Variants in DAB1 observed in about 807,000 individuals in gnomAD.
The protein encoded by DAB1 is DAB adaptor protein 1, also known as disabled homolog 1.
Under a neutral mutation model 64.6 loss-of-function variants are expected in DAB1, and 15 were observed. The ratio of observed to expected loss-of-function variants is 0.23; its 90% CI spans 0.16 to 0.36. DAB1 has a LOEUF of 0.36. Ranked by LOEUF, DAB1 falls within the 10% of genes least tolerant of loss-of-function variation. The pLI is 1.00. For synonymous variants in DAB1, 235 were observed against 251.9 expected (o/e 0.93, Z 0.64); for missense variants, 596 against 706.7 (o/e 0.84, Z 1.78).
intron 7 of DAB1, among the ~76,000 whole-genome samples, chr1:57,545,519 T>C (rs939741442): frequency 6.6e-6 from 1 of 152,172 alleles, no homozygotes; most frequent in African/African-American, 2.4e-5. Flanking sequence ...GAACAGTTGG[T>C]CAACCTATTG....
At chr1:57,768,211 A>C (rs951569760) in intron 6 of DAB1, among the ~76,000 whole-genome samples, 2 of 149,648 alleles carry the variant, frequency 1.3e-5, no homozygotes, top group Non-Finnish European at 3.0e-5. Context: ...GAGGTGCTAC[A>C]TCCATGCTCC....
At chr1:58,151,829 T>C (rs149233787) in intron 4 of DAB1, among the ~76,000 whole-genome samples, 36 of 152,340 alleles carry the variant, frequency 2.4e-4, no homozygotes, top group African/African-American at 7.7e-4. Flanking sequence ...CATTTTGATA[T>C]AGCTGGATAA....
At chr1:57,931,756 G>A (rs956435500) in intron 5 of DAB1, among the ~76,000 whole-genome samples, 6 of 152,096 alleles carry the variant, frequency 3.9e-5, no homozygotes, top group African/African-American at 1.4e-4. Flanking sequence ...CAGTTAGCCT[G>A]GTTACAGGCT....
chr1:57,164,179 T>G (rs551740779), intron 2 of DAB1, among the ~76,000 whole-genome samples: 1 of 152,268 alleles, frequency 6.6e-6, no homozygotes, highest in Admixed American at 6.5e-5. Flanking sequence ...TGAGTTCCTT[T>G]CCTTTCAGTT....
chr1:57,462,243 C>T (rs897325512), intron 7 of DAB1, among the ~76,000 whole-genome samples: 10 of 152,162 alleles, frequency 6.6e-5, no homozygotes, highest in East Asian at 1.9e-4. Flanking sequence ...GCCACTGCAC[C>T]GGCCAGATAT....
chr1:57,018,874 C>A (rs1261242034), intron 11 of DAB1, among the ~76,000 whole-genome samples: 1 of 152,222 alleles, frequency 6.6e-6, no homozygotes, highest in African/African-American at 2.4e-5. Context: ...TGCCCTCCAG[C>A]ATTTGCAAAC....
At chr1:58,341,364 G>A (rs1410193543) in intron 4 of DAB1, among the ~76,000 whole-genome samples, 1 of 152,082 alleles carries the variant, frequency 6.6e-6, no homozygotes, top group African/African-American at 2.4e-5. Flanking sequence ...CTACTTAGAA[G>A]CAAAACTTGG....
At chr1:58,198,587 C>T (rs1657821399) in intron 4 of DAB1, among the ~76,000 whole-genome samples, 1 of 152,196 alleles carries the variant, frequency 6.6e-6, no homozygotes, top group Non-Finnish European at 1.5e-5. Context: ...CGTAACCAAC[C>T]TCTTCTATAT....
chr1:58,469,868 G>T (rs189259709), intron 3 of DAB1, among the ~76,000 whole-genome samples: 17 of 152,232 alleles, frequency 1.1e-4, no homozygotes, highest in African/African-American at 4.1e-4. Context: ...AGGACTTAGA[G>T]AATTTTTAAA....
At chr1:58,455,470 G>A (rs567104833) in intron 3 of DAB1, among the ~76,000 whole-genome samples, 1 of 152,364 alleles carries the variant, frequency 6.6e-6, no homozygotes, top group African/African-American at 2.4e-5. Context: ...CTGGCCATTG[G>A]AACTTGGCAG....
At chr1:57,912,675 A>C (rs1644664032) in intron 5 of DAB1, among the ~76,000 whole-genome samples, 1 of 152,206 alleles carries the variant, frequency 6.6e-6, no homozygotes. Context: ...AGATGACATG[A>C]TTGTATATCT....
At chr1:58,466,066 C>T (rs1557428416) in intron 3 of DAB1, among the ~76,000 whole-genome samples, 1 of 152,118 alleles carries the variant, frequency 6.6e-6, no homozygotes, top group South Asian at 2.1e-4. Flanking sequence ...GACTGCCCAG[C>T]GGTCCCCACA....
intron 3 of DAB1, among the ~76,000 whole-genome samples, chr1:58,434,192 CTGTGT>C (rs1432809270): frequency 3.3e-5 from 5 of 152,134 alleles, no homozygotes; most frequent in Non-Finnish European, 2.9e-5. Flanking sequence ...ACTCTTACTA[CTGTGT>C]TGAGAACAGA....
At chr1:58,467,839 G>A (rs565264278) in intron 3 of DAB1, 1 of 152,388 alleles carries the variant, frequency 6.6e-6, no homozygotes, top group East Asian at 1.9e-4. Flanking sequence ...TACAAAACCT[G>A]TTTGCATTTT....
intron 4 of DAB1, among the ~76,000 whole-genome samples, chr1:58,288,112 A>G (rs777683570): frequency 1.3e-5 from 2 of 151,944 alleles, no homozygotes; most frequent in Non-Finnish European, 2.9e-5. Flanking sequence ...GAGTCTTTTA[A>G]TCATCTCTGA....
chr1:57,303,841 A>C (rs1163808426), intron 1 of DAB1, among the ~76,000 whole-genome samples: 1 of 152,084 alleles, frequency 6.6e-6, no homozygotes, highest in Non-Finnish European at 1.5e-5. Context: ...AGTCATACCC[A>C]GTGTTCACGA....
At chr1:57,656,400 A>G (rs1646319375) in intron 6 of DAB1, among the ~76,000 whole-genome samples, 1 of 152,212 alleles carries the variant, frequency 6.6e-6, no homozygotes, top group Admixed American at 6.5e-5. Flanking sequence ...CACATATACT[A>G]AAAGAGTAAT....
intron 2 of DAB1, among the ~76,000 whole-genome samples, chr1:57,229,212 T>C (rs1326601736): frequency 6.7e-6 from 1 of 149,606 alleles, no homozygotes; most frequent in Non-Finnish European, 1.5e-5. Flanking sequence ...TTTTTTTTTT[T>C]AAACAGGCTC....
At chr1:57,975,675 A>G (rs1185276888) in intron 5 of DAB1, among the ~76,000 whole-genome samples, 4 of 152,196 alleles carry the variant, frequency 2.6e-5, no homozygotes, top group African/African-American at 9.7e-5. Context: ...CTGAGAACAA[A>G]GGCCCAGACT....
Sources: gnomAD v4.1 joint callset for allele counts (sites outside exome capture counted in the v4.1 genomes callset) on GRCh38, gnomAD v4.1.1 for gene constraint, MANE v1.5 for transcripts, NCBI Gene and HGNC (gene_info 2026-07-23, HGNC 2026-07-21) for gene names.